The following RAF1 variants were observed in gnomAD, a reference collection of about 807,000 sequenced individuals.
RAF1 encodes the protein RAF proto-oncogene serine/threonine-protein kinase.
Under a neutral mutation model 81.1 loss-of-function variants are expected in RAF1, and 27 were observed. That is an observed-to-expected ratio of 0.33 (90% CI 0.25 to 0.46). The LOEUF is 0.46. Among genes scored for constraint, RAF1 ranks in the 20% least tolerant of loss-of-function variants. RAF1 has a pLI of 1.00. For synonymous variants in RAF1, 298 were observed against 294.0 expected, an observed-to-expected ratio of 1.01 and a Z score of -0.14; for missense variants, 598 against 826.0, an observed-to-expected ratio of 0.72 and a Z score of 3.38.
chr3:12,585,583 G>A (rs940244414), intron 15 of RAF1, 98 bp downstream of exon 14: 35 of 1,375,440 alleles, frequency 2.5e-5, no homozygotes, highest in African/African-American at 1.4e-4. Flanking sequence ...TGTGGATTTC[G>A]GGGAAATGTA....
chr3:12,594,915 T>C (rs1479386113), intron 11 of RAF1, among the ~76,000 whole-genome samples: 1 of 152,216 alleles, frequency 6.6e-6, no homozygotes, highest in Non-Finnish European at 1.5e-5. Flanking sequence ...CAATTTCTTA[T>C]GAAATCCAGA....
chr3:12,611,833 G>A, intron 3 of RAF1, 117 bp downstream of exon 3: 1 of 781,318 alleles, frequency 1.3e-6, no homozygotes, highest in Non-Finnish European at 2.3e-6. Context: ...TATAAAGAAA[G>A]GTATAGAAAT....
intron 1 of RAF1, among the ~76,000 whole-genome samples, chr3:12,644,129 T>C (rs145236727): frequency 2.0e-5 from 3 of 152,288 alleles, no homozygotes; most frequent in African/African-American, 7.2e-5. Flanking sequence ...TGCAAGATTA[T>C]TAGGGAGCAG....
chr3:12,611,493 G>T (rs902513599), intron 3 of RAF1, among the ~76,000 whole-genome samples: 1 of 152,092 alleles, frequency 6.6e-6, no homozygotes, highest in Non-Finnish European at 1.5e-5. Flanking sequence ...TTAAAATTAC[G>T]GGTATTACCA....
chr3:12,584,832 A>C lies in RAF1; in HGVS notation c.1863+15T>G, dbSNP rs778164265. The C allele has an allele frequency of 2.4e-5, 38 of 1,613,914 alleles. No homozygotes were observed. The highest frequency in any genetic ancestry group is 3.2e-5 in the Non-Finnish European group (38 of 1,179,928). On this transcript the variant is annotated intron_variant, in intron 17 of 17. Transcript: ENST00000442415. Reference sequence around the variant, plus strand: ...ACCCATGCTTTAATCACATTCTAGCAGCCCTGAGCCTTACCTGGGGAAAAA... The same window carrying C: ...ACCCATGCTTTAATCACATTCTAGCCGCCCTGAGCCTTACCTGGGGAAAAA...
rs576046349 is a variant in RAF1, at chr3:12,600,445, C to T, written c.895-30G>A. The T allele has an allele frequency of 2.9e-5, 47 of 1,613,396 alleles. No homozygotes were observed. The South Asian group carries it at 4.9e-4, about 17-fold the overall frequency. On this transcript the variant is annotated intron_variant, in intron 8 of 17. Transcript: ENST00000442415. The stretch of plus-strand genomic sequence containing the variant: ...AACAGAAAAGGAAAGCTGGTCAACT[C>T]CTACACACAAAAGATTTTCTCTGGG...
At chr3:12,592,690 G>A (rs964764673) in intron 11 of RAF1, among the ~76,000 whole-genome samples, 34 of 151,244 alleles carry the variant, frequency 2.2e-4, no homozygotes, top group African/African-American at 7.5e-4. Flanking sequence ...GACACATCCA[G>A]GGATCCATTC....
intron 2 of RAF1, among the ~76,000 whole-genome samples, chr3:12,615,570 A>G (rs1051244750): frequency 5.9e-5 from 9 of 152,264 alleles, no homozygotes; most frequent in African/African-American, 2.2e-4. Flanking sequence ...GCTTTCCTCA[A>G]GCTGCGTGCC....
At chr3:12,594,140 C>T (rs1052619318) in intron 11 of RAF1, among the ~76,000 whole-genome samples, 5 of 152,088 alleles carry the variant, frequency 3.3e-5, no homozygotes, top group African/African-American at 1.2e-4. Context: ...GAGGAATCTG[C>T]TGCAATAGCT....
In RAF1 at chr3:12,590,218, C is replaced by A. The variant is rs979784980; in HGVS notation, c.1430+580G>T. On this transcript the variant is annotated intron_variant, in intron 13 of 17. Transcript: ENST00000442415. The stretch of plus-strand genomic sequence containing the variant: ...GCCACAGCTGTCCAAGCAGAAGGTA[C>A]ATGCACCCCACTATATTCTCAGGTT... 2.5e-5 allele frequency: 4 copies of A among 158,338 alleles called. No individual in the cohort carries two copies. In the South Asian group the frequency reaches 7.4e-4, roughly 29 times the overall value. 9.8% of individuals were successfully genotyped at this position (158,338 alleles called of 1,614,324 possible).
At chr3:12,615,369 C>T (rs546361693) in intron 2 of RAF1, among the ~76,000 whole-genome samples, 3 of 152,314 alleles carry the variant, frequency 2.0e-5, no homozygotes, top group East Asian at 1.9e-4. Flanking sequence ...AAATCAGATA[C>T]GCGTCCTCTG....
intron 1 of RAF1, among the ~76,000 whole-genome samples, chr3:12,631,449 A>C (rs1285916647): frequency 6.6e-6 from 1 of 151,842 alleles, no homozygotes; most frequent in Non-Finnish European, 1.5e-5. Flanking sequence ...ATACGAAAAA[A>C]TTAGCCGGGC....
intron 1 of RAF1, among the ~76,000 whole-genome samples, chr3:12,651,219 T>C (rs2060514114): frequency 6.6e-6 from 1 of 152,228 alleles, no homozygotes; most frequent in African/African-American, 2.4e-5. Flanking sequence ...TTCTTTGTTT[T>C]ATCTTTCCTT....
At chr3:12,630,001 T>TG (rs2059815835) in intron 1 of RAF1, among the ~76,000 whole-genome samples, 1 of 152,178 alleles carries the variant, frequency 6.6e-6, no homozygotes, top group Non-Finnish European at 1.5e-5. Flanking sequence ...AGGCTGGTGT[T>TG]GAACTCCTGG....
intron 1 of RAF1, among the ~76,000 whole-genome samples, chr3:12,648,280 C>T (rs865798998): frequency 2.8e-5 from 2 of 72,280 alleles, no homozygotes; most frequent in African/African-American, 1.4e-4. Context: ...CAAGTAACAG[C>T]GAAGTTAAAA....
chr3:12,590,830 A>C lies in RAF1; in HGVS notation c.1398T>G (p.Ile466Met), dbSNP rs374848187. 2.5e-6 allele frequency: 4 copies of C among 1,613,974 alleles called. No homozygotes were observed. The highest frequency in any genetic ancestry group is 1.7e-6 in the Non-Finnish European group (2 of 1,179,940). Residue 466 changes from isoleucine to methionine, a missense_variant, in exon 13 of 18, where the codon ATT becomes ATG. Ile to Met is a conservative substitution (Grantham distance 10). This residue lies in a region of RAF1 where 85 missense variants were observed against 185.6 expected (regional missense o/e 0.46). Transcript: ENST00000442415. Reference sequence around the variant, plus strand: ...CCTGAGCCGTCTGCCGGGCAATGTCAATTAGCTGGAACATCTGAAACTTGG... The same window carrying C: ...CCTGAGCCGTCTGCCGGGCAATGTCCATTAGCTGGAACATCTGAAACTTGG...
chr3:12,595,989 C>T (rs976466748), intron 11 of RAF1, among the ~76,000 whole-genome samples: 12 of 150,810 alleles, frequency 8.0e-5, no homozygotes, highest in African/African-American at 2.9e-4. Flanking sequence ...GATCCTCCTG[C>T]CTCAGTTTCT....
intron 1 of RAF1, among the ~76,000 whole-genome samples, chr3:12,636,235 G>A (rs534452477): frequency 2.6e-5 from 4 of 151,506 alleles, no homozygotes; most frequent in Admixed American, 2.6e-4. Context: ...GCAGTGAGCT[G>A]AGACTGCGAC....
chr3:12,616,151 G>C (rs769948491), intron 2 of RAF1, among the ~76,000 whole-genome samples: 1 of 152,098 alleles, frequency 6.6e-6, no homozygotes, highest in Non-Finnish European at 1.5e-5. Context: ...TCAGGAAAGA[G>C]GATCAAAAAA....
Sources: allele counts gnomAD v4.1 joint callset (sites outside exome capture counted in the v4.1 genomes callset), GRCh38; gene constraint gnomAD v4.1.1; regional missense constraint gnomAD v4.1.1; transcripts MANE v1.5; gene names NCBI Gene and HGNC (gene_info 2026-07-23, HGNC 2026-07-21).